Variants in FRMD5 observed in about 807,000 individuals in gnomAD.
The protein encoded by FRMD5 is FERM domain containing 5.
In FRMD5, 20 loss-of-function variants were observed where a neutral mutation model predicts 69.0. The observed-to-expected ratio is 0.29, with a 90% CI of 0.20 to 0.42. The LOEUF (loss-of-function observed/expected upper bound fraction) is 0.42. FRMD5 is among the 10% of genes least tolerant of loss of function. The probability of loss-of-function intolerance (pLI) is 1.00; values close to 1 mark genes in which losing one functional copy is unlikely to be tolerated. For synonymous variants in FRMD5, 271 were observed against 260.1 expected (o/e 1.04, Z -0.40); for missense variants, 595 against 708.6 (o/e 0.84, Z 1.82).
At chr15:43,875,099 A>G (rs551448866) in intron 13 of FRMD5, among the ~76,000 whole-genome samples, 1 of 152,104 alleles carries the variant, frequency 6.6e-6, no homozygotes, top group East Asian at 1.9e-4. Flanking sequence ...TCAGGAGGGG[A>G]GGCAGGAGAA....
chr15:43,909,194 A>G (rs912339336), intron 5 of FRMD5, among the ~76,000 whole-genome samples: 2 of 152,006 alleles, frequency 1.3e-5, no homozygotes, highest in African/African-American at 4.8e-5. Context: ...CAGGGGTTCG[A>G]GACCAGCCTG....
rs773397243 is a variant in FRMD5, at chr15:43,873,963, G to A, written c.1635C>T (p.His545=). 4 of 1,614,112 alleles carry A rather than the reference G, an allele frequency of 2.5e-6. No individual in the cohort carries two copies. Among genetic ancestry groups the A allele is most frequent in the South Asian group, 1.1e-5 (1 of 91,090 alleles). Residue 545 remains histidine (H), a synonymous_variant, in exon 14 of 14, where the codon CAC becomes CAT. Coordinates refer to ENST00000417257, the MANE Select transcript of FRMD5 (RefSeq NM_032892.5). The stretch of plus-strand genomic sequence containing the variant: ...GCCTGAGGGGACAAAAGTATTGATA[G>A]TGGAATTGTTCAAACTCGGGGGTCT... ...IRQTPEFEQF[H]YQYFCPLRRW...
At chr15:43,940,897 T>C (rs1348650049) in intron 1 of FRMD5, among the ~76,000 whole-genome samples, 1 of 152,256 alleles carries the variant, frequency 6.6e-6, no homozygotes, top group Non-Finnish European at 1.5e-5. Context: ...ATTAATATTT[T>C]CAGGGCTCTG....
At chr15:44,096,171 A>C (rs1160082605) in intron 1 of FRMD5, among the ~76,000 whole-genome samples, 2 of 139,380 alleles carry the variant, frequency 1.4e-5, no homozygotes, top group African/African-American at 5.5e-5. Context: ...ACGCCATTGC[A>C]CTCCAGCCTA....
chr15:44,129,530 A>T (rs1214811779), intron 1 of FRMD5, among the ~76,000 whole-genome samples: 2 of 151,868 alleles, frequency 1.3e-5, no homozygotes, highest in East Asian at 3.9e-4. Context: ...CTTTTTTTTT[A>T]ATTTAAAATA....
intron 1 of FRMD5, among the ~76,000 whole-genome samples, chr15:43,974,393 G>T (rs1426162900): frequency 6.6e-6 from 1 of 152,186 alleles, no homozygotes; most frequent in Admixed American, 6.5e-5. Context: ...CAGAAATTAT[G>T]TGCTGCAGGT....
intron 4 of FRMD5, among the ~76,000 whole-genome samples, chr15:43,910,556 C>T (rs755561895): frequency 1.7e-5 from 2 of 118,584 alleles, no homozygotes; most frequent in East Asian, 2.6e-4. Flanking sequence ...CCTGGGCAAT[C>T]GGAGAGACCT....
intron 1 of FRMD5, among the ~76,000 whole-genome samples, chr15:44,010,553 T>C (rs2140209823): frequency 6.6e-6 from 1 of 152,172 alleles, no homozygotes; most frequent in African/African-American, 2.4e-5. Context: ...ACTGGCTAAT[T>C]TTTGTATTTT....
At position 44,004,293 on chromosome 15, in the gene FRMD5, T is replaced by A. The variant is rs78720545; in HGVS notation, c.103-79984A>T. Among the ~76,000 whole-genome samples the A allele has an allele frequency of 2.2e-3, 336 of 152,350 alleles. 1 individual carries two copies. Among genetic ancestry groups the A allele is most frequent in the Non-Finnish European group, 2.4e-3 (162 of 68,036 alleles). ...ATGTATGTATACCTATGTGTGTACA[T>A]ATCAGTACAAGCATACCTCATTTTA... On this transcript the variant is annotated intron_variant, in intron 1 of 13. Transcript: ENST00000417257.
intron 1 of FRMD5, among the ~76,000 whole-genome samples, chr15:44,038,729 C>T (rs1463787509): frequency 6.6e-6 from 1 of 151,820 alleles, no homozygotes; most frequent in East Asian, 1.9e-4. Context: ...TGGGGCATTG[C>T]CTCACCCGGG....
intron 1 of FRMD5, among the ~76,000 whole-genome samples, chr15:44,017,553 C>T (rs1336622509): frequency 2.0e-5 from 3 of 151,770 alleles, no homozygotes; most frequent in Non-Finnish European, 4.4e-5. Flanking sequence ...AAATCAGTTG[C>T]CATGTATTGA....
intron 1 of FRMD5, among the ~76,000 whole-genome samples, chr15:44,023,918 G>A (rs982313807): frequency 2.6e-5 from 4 of 151,998 alleles, no homozygotes; most frequent in African/African-American, 4.8e-5. Flanking sequence ...CCTAGGTCTC[G>A]TTTTCCATAT....
At chr15:44,151,389 T>A in intron 1 of FRMD5, among the ~76,000 whole-genome samples, 1 of 132,166 alleles carries the variant, frequency 7.6e-6, no homozygotes, top group Non-Finnish European at 1.6e-5. Flanking sequence ...AGAGCGAGAC[T>A]CCATCTCAAA....
At chr15:44,074,497 A>AT (rs1003891192) in intron 1 of FRMD5, among the ~76,000 whole-genome samples, 38 of 149,556 alleles carry the variant, frequency 2.5e-4, no homozygotes, top group East Asian at 2.1e-3. Flanking sequence ...ACAGAGCTGA[A>AT]TTTTTTTTTT....
chr15:44,197,884 C>T (rs1210821683), upstream of FRMD5, among the ~76,000 whole-genome samples: 2 of 152,092 alleles, frequency 1.3e-5, no homozygotes, highest in African/African-American at 4.8e-5. Flanking sequence ...AGGCAAAGCA[C>T]TATGAATCCA....
chr15:43,890,164 C>T (rs959484108), intron 8 of FRMD5, among the ~76,000 whole-genome samples: 2 of 152,132 alleles, frequency 1.3e-5, no homozygotes, highest in Non-Finnish European at 2.9e-5. Context: ...ACACACAGTA[C>T]AATAATGCCA....
chr15:43,907,714 G>T (rs1595505543), intron 5 of FRMD5, among the ~76,000 whole-genome samples: 2 of 152,156 alleles, frequency 1.3e-5, no homozygotes, highest in East Asian at 3.9e-4. Flanking sequence ...CACCATGTTG[G>T]CCAGGATGGC....
intron 1 of FRMD5, among the ~76,000 whole-genome samples, chr15:44,094,159 G>A (rs914845614): frequency 6.6e-6 from 1 of 152,100 alleles, no homozygotes; most frequent in African/African-American, 2.4e-5. Flanking sequence ...ACAAATCAAG[G>A]CAGTGTCTTC....
intron 1 of FRMD5, among the ~76,000 whole-genome samples, chr15:44,084,189 T>A (rs1482040219): frequency 1.3e-5 from 2 of 152,044 alleles, no homozygotes; most frequent in African/African-American, 4.8e-5. Context: ...TCAAATTTTA[T>A]GTTTTGACTA....
Sources: gnomAD v4.1 joint callset for allele counts (sites outside exome capture counted in the v4.1 genomes callset) on GRCh38, gnomAD v4.1.1 for gene constraint, MANE v1.5 for transcripts, NCBI Gene and HGNC (gene_info 2026-07-23, HGNC 2026-07-21) for gene names.